Variants in VPS45 observed in about 807,000 individuals in gnomAD.
VPS45 encodes the protein vacuolar protein sorting 45 homolog.
Under a neutral mutation model 75.9 loss-of-function variants are expected in VPS45, and 35 were observed. The observed-to-expected ratio is 0.46, with a 90% CI of 0.35 to 0.61. VPS45 has a LOEUF of 0.61. Among genes scored for constraint, VPS45 ranks in the 20% least tolerant of loss-of-function variants. The pLI, the probability that VPS45 is intolerant of heterozygous loss-of-function variation, is 0.00. For synonymous variants in VPS45, 220 were observed against 238.2 expected, an observed-to-expected ratio of 0.92 and a Z score of 0.70; for missense variants, 559 against 685.9, an observed-to-expected ratio of 0.81 and a Z score of 2.07.
chr1:150,098,197 T>G (rs1447600927), intron 13 of VPS45, among the ~76,000 whole-genome samples: 1 of 152,244 alleles, frequency 6.6e-6, no homozygotes, highest in Admixed American at 6.5e-5. Flanking sequence ...TAATAGTCGT[T>G]ACCTCTGGAT....
chr1:150,136,896 G>A (rs1357287954), intron 14 of VPS45, among the ~76,000 whole-genome samples: 1 of 152,006 alleles, frequency 6.6e-6, no homozygotes. Flanking sequence ...ATTTCCAGAT[G>A]TAGATTTGTT....
intron 13 of VPS45, among the ~76,000 whole-genome samples, chr1:150,102,278 G>T (rs1474078086): frequency 1.3e-5 from 2 of 150,726 alleles, no homozygotes; most frequent in Admixed American, 6.6e-5. Flanking sequence ...GGCCAGGTTG[G>T]GTGGCTCATG....
chr1:150,089,902 T>G (rs1444833293), intron 10 of VPS45, among the ~76,000 whole-genome samples: 4 of 152,140 alleles, frequency 2.6e-5, no homozygotes, highest in African/African-American at 9.7e-5. Context: ...TTTTGATCCC[T>G]TAAGGATGAT....
chr1:150,106,973 A>G (rs1657361645), intron 13 of VPS45, among the ~76,000 whole-genome samples: 1 of 152,108 alleles, frequency 6.6e-6, no homozygotes, highest in Non-Finnish European at 1.5e-5. Context: ...ATTTCACACT[A>G]TTAACCATTC....
intron 13 of VPS45, among the ~76,000 whole-genome samples, chr1:150,106,819 C>T (rs1657352683): frequency 6.6e-6 from 1 of 152,136 alleles, no homozygotes; most frequent in African/African-American, 2.4e-5. Context: ...AAGAAGCCCA[C>T]AGTCACTGTC....
At chr1:150,093,502 T>G (rs1300925813) in intron 12 of VPS45, 25 bp from the exon 13 acceptor site, 1 of 1,605,304 alleles carries the variant, frequency 6.2e-7, no homozygotes, top group Non-Finnish European at 8.5e-7. Context: ...AAAAATGACA[T>G]AAGAACCATT....
intron 14 of VPS45, among the ~76,000 whole-genome samples, chr1:150,128,803 G>A (rs1205264898): frequency 1.3e-5 from 2 of 151,440 alleles, no homozygotes; most frequent in African/African-American, 2.4e-5. Flanking sequence ...GCAGTGGCAC[G>A]ATCTCGGCTC....
At chr1:150,083,083 T>G in intron 10 of VPS45, 200 bp downstream of exon 10, 1 of 515,068 alleles carries the variant, frequency 1.9e-6, no homozygotes, top group Non-Finnish European at 3.2e-6. Flanking sequence ...TTCCCAAGGG[T>G]TCAGTTAATT....
At chr1:150,115,962 C>T (rs1482190371) in intron 14 of VPS45, among the ~76,000 whole-genome samples, 2 of 152,124 alleles carry the variant, frequency 1.3e-5, no homozygotes, top group Non-Finnish European at 2.9e-5. Flanking sequence ...TTTTGGTTCC[C>T]TTTTTGTGCT....
At chr1:150,141,624 C>T (rs990777526) in intron 14 of VPS45, among the ~76,000 whole-genome samples, 5 of 152,150 alleles carry the variant, frequency 3.3e-5, no homozygotes, top group Non-Finnish European at 7.3e-5. Flanking sequence ...TTTCCACCCA[C>T]CTTCCTTCTA....
intron 14 of VPS45, among the ~76,000 whole-genome samples, chr1:150,118,121 A>G (rs1658035979): frequency 6.6e-6 from 1 of 150,958 alleles, no homozygotes; most frequent in Admixed American, 6.6e-5. Flanking sequence ...CGTCTCCACT[A>G]AAAAATACAA....
chr1:150,067,561 C>T, upstream of VPS45: 1 of 395,478 alleles, frequency 2.5e-6, no homozygotes, highest in Non-Finnish European at 4.5e-6. Flanking sequence ...CACCAAAGGG[C>T]AATAGGGGTC....
Position 150,144,784 on chromosome 1 carries a change from G to T in VPS45, c.1701G>T (p.Ala567=), listed in dbSNP as rs377365764. 2.5e-6 allele frequency: 4 copies of T among 1,614,028 alleles called. No individual in the cohort carries two copies. Among genetic ancestry groups the T allele is most frequent in the African/African-American group, 1.3e-5 (1 of 74,906 alleles). ...KESSQVTSRS[A]SRR ...GCTCTCAAGTCACATCAAGGTCAGC[G>T]AGCAGAAGATGAAACGGTGGTTGGG... The change falls in exon 15 of 15, where the codon GCG becomes GCT. Residue 567 remains alanine (A), a synonymous_variant. Coordinates refer to ENST00000644510, the MANE Select transcript of VPS45 (RefSeq NM_007259.5).
chr1:150,110,274 ATCCGC>A (rs1160723197), intron 13 of VPS45: 1 of 431,898 alleles, frequency 2.3e-6, no homozygotes, highest in Non-Finnish European at 4.2e-6. Flanking sequence ...ATTATAAGAC[ATCCGC>A]TCATAAACAG....
chr1:150,082,375 G>T (rs1356312035), intron 9 of VPS45, among the ~76,000 whole-genome samples: 1 of 151,890 alleles, frequency 6.6e-6, no homozygotes, highest in African/African-American at 2.4e-5. Flanking sequence ...GTGTGGTGGC[G>T]CATGCCTGTA....
intron 13 of VPS45, among the ~76,000 whole-genome samples, chr1:150,108,952 G>A (rs75269065): frequency 0.027 from 4,120 of 152,192 alleles, 167 homozygotes; most frequent in African/African-American, 0.093. Flanking sequence ...GACCCTTATC[G>A]TAATTGACAC....
rs1659596333 is a variant in VPS45 at position 150,144,883 on chromosome 1, T to A, written c.*87T>A. The A allele has an allele frequency of 2.5e-6, 4 of 1,590,100 alleles. No individual in the cohort carries two copies. The highest frequency in any genetic ancestry group is 3.4e-6 in the Non-Finnish European group (4 of 1,169,618). ...AAACAAAGGTGTTGGAGAGCAGCTT[T>A]GGGTTCTGTGCTGGTTGTTAGAACT... is the stretch of plus-strand genomic sequence containing the variant. On this transcript the variant is annotated 3_prime_UTR_variant, in exon 15 of 15. Transcript: ENST00000644510.
chr1:150,103,423 C>G (rs1249604556), intron 13 of VPS45, among the ~76,000 whole-genome samples: 3 of 152,124 alleles, frequency 2.0e-5, no homozygotes, highest in South Asian at 2.1e-4. Context: ...GGAGGAGGCT[C>G]AGGAAAACAT....
In VPS45 at chr1:150,124,806, G is replaced by A. The variant is rs141164049; in HGVS notation, c.1625+14179G>A. On this transcript the variant is annotated intron_variant, in intron 14 of 14. Coordinates refer to ENST00000644510, the MANE Select transcript of VPS45 (RefSeq NM_007259.5). ...ACTCCTGACCTCAAGTAATCCGCCT[G>A]CCTTGTCCTCCCAAAGTGCTGGGAT... is the stretch of plus-strand genomic sequence containing the variant. Among the ~76,000 whole-genome samples the A allele has an allele frequency of 4.9e-3, 736 of 150,788 alleles. 3 individuals are homozygous for A. Among genetic ancestry groups the A allele is most frequent in the Non-Finnish European group, 7.3e-3 (492 of 67,820 alleles).
Sources: allele counts gnomAD v4.1 joint callset (sites outside exome capture counted in the v4.1 genomes callset), GRCh38; gene constraint gnomAD v4.1.1; transcripts MANE v1.5; gene names NCBI Gene and HGNC (gene_info 2026-07-23, HGNC 2026-07-21).